LRRC4C: variants seen among roughly 807,000 people sequenced by gnomAD.
The protein encoded by LRRC4C is leucine-rich repeat-containing protein 4C.
Under a neutral mutation model 33.6 loss-of-function variants are expected in LRRC4C, and 5 were observed. That is an observed-to-expected ratio of 0.15 (90% CI 0.08 to 0.31). LRRC4C has a LOEUF of 0.31. Ranked by LOEUF, LRRC4C falls within the 10% of genes least tolerant of loss-of-function variation. The pLI is 1.00. For synonymous variants in LRRC4C, 329 were observed against 302.0 expected (o/e 1.09, Z -0.93); for missense variants, 560 against 796.7 (o/e 0.70, Z 3.58).
At chr11:41,290,747 A>G (rs1169097208) in intron 1 of LRRC4C, among the ~76,000 whole-genome samples, 1 of 152,158 alleles carries the variant, frequency 6.6e-6, no homozygotes, top group African/African-American at 2.4e-5. Flanking sequence ...ATATTAGTAT[A>G]GGTATATTCA....
intron 1 of LRRC4C, among the ~76,000 whole-genome samples, chr11:40,951,904 G>T (rs1958708493): frequency 6.6e-6 from 1 of 152,032 alleles, no homozygotes; most frequent in African/African-American, 2.4e-5. Context: ...GTTACATCCT[G>T]ATTGTATAAG....
chr11:40,346,210 A>G (rs147797894), intron 3 of LRRC4C, among the ~76,000 whole-genome samples: 3 of 152,302 alleles, frequency 2.0e-5, no homozygotes, highest in Admixed American at 1.3e-4. Flanking sequence ...TATATACCCA[A>G]ATGAATATAA....
At chr11:40,482,088 G>A (rs938649066) in intron 3 of LRRC4C, among the ~76,000 whole-genome samples, 1 of 152,134 alleles carries the variant, frequency 6.6e-6, no homozygotes, top group Non-Finnish European at 1.5e-5. Context: ...GTTCATTAGA[G>A]ACATAAATTT....
chr11:41,228,726 T>G (rs1290597602), intron 1 of LRRC4C, among the ~76,000 whole-genome samples: 1 of 152,182 alleles, frequency 6.6e-6, no homozygotes, highest in Admixed American at 6.5e-5. Flanking sequence ...TTCTCTTATT[T>G]TCTGTAGTAT....
At chr11:40,775,785 T>G (rs1338145288) in intron 2 of LRRC4C, among the ~76,000 whole-genome samples, 2 of 152,238 alleles carry the variant, frequency 1.3e-5, no homozygotes, top group Non-Finnish European at 2.9e-5. Flanking sequence ...CTTGTCTGAT[T>G]GTTCTTGCTT....
At chr11:40,192,639 G>A (rs1415088546) in intron 5 of LRRC4C, among the ~76,000 whole-genome samples, 1 of 152,118 alleles carries the variant, frequency 6.6e-6, no homozygotes, top group Non-Finnish European at 1.5e-5. Flanking sequence ...TGAAGCCAGG[G>A]AGCCAGATGG....
At chr11:40,474,496 G>C (rs1953110522) in intron 3 of LRRC4C, among the ~76,000 whole-genome samples, 1 of 152,078 alleles carries the variant, frequency 6.6e-6, no homozygotes, top group Non-Finnish European at 1.5e-5. Context: ...TAAAATCTAG[G>C]CAATACCATT....
chr11:40,283,943 T>G (rs906830702), intron 4 of LRRC4C, among the ~76,000 whole-genome samples: 1 of 152,060 alleles, frequency 6.6e-6, no homozygotes, highest in Non-Finnish European at 1.5e-5. Flanking sequence ...CCTCAGTTGA[T>G]CCACCCGTCT....
chr11:40,721,338 AT>A (rs1947004131), intron 2 of LRRC4C, among the ~76,000 whole-genome samples: 3 of 152,206 alleles, frequency 2.0e-5, no homozygotes, highest in Admixed American at 2.0e-4. Flanking sequence ...TAACACAGCC[AT>A]TGCAAACTTG....
intron 3 of LRRC4C, among the ~76,000 whole-genome samples, chr11:40,606,162 C>A (rs528819509): frequency 1.1e-4 from 17 of 152,228 alleles, no homozygotes; most frequent in African/African-American, 3.9e-4. Flanking sequence ...TTCTAACAGG[C>A]CTTGAAGCAC....
chr11:40,850,975 TC>T, intron 2 of LRRC4C, among the ~76,000 whole-genome samples: 1 of 151,096 alleles, frequency 6.6e-6, no homozygotes. Context: ...CAGACCCACC[TC>T]CCCCCACCAA....
chr11:40,759,964 A>G (rs1202590998), intron 2 of LRRC4C, among the ~76,000 whole-genome samples: 1 of 11,032 alleles, frequency 9.1e-5, no homozygotes, highest in African/African-American at 3.2e-4. Flanking sequence ...AACAACAACA[A>G]AAAAAAAAAA....
At chr11:40,898,353 C>CAA (rs765252333) in intron 2 of LRRC4C, among the ~76,000 whole-genome samples, 14 of 38,374 alleles carry the variant, frequency 3.6e-4, no homozygotes, top group African/African-American at 1.3e-3. Flanking sequence ...AACTCCATCT[C>CAA]AAAAAAAAAA....
intron 2 of LRRC4C, among the ~76,000 whole-genome samples, chr11:40,683,124 T>A (rs184832525): frequency 6.6e-6 from 1 of 152,332 alleles, no homozygotes; most frequent in East Asian, 1.9e-4. Context: ...TCCACATTTT[T>A]TTGTCTCATG....
Position 40,501,485 on chromosome 11 carries a change from A to G in LRRC4C, c.-270+146657T>C, listed in dbSNP as rs369890488. Among the ~76,000 whole-genome samples the G allele has an allele frequency of 2.2e-4, 33 of 152,278 alleles. 1 individual carries two copies. The South Asian group carries it at 6.2e-3, about 29-fold the overall frequency. The stretch of plus-strand genomic sequence containing the variant: ...TGATGCCATACATCCTCTGAAACCT[A>G]AGCAGAGGTCCCCAAACCTCAATTC... On this transcript the variant is annotated intron_variant, in intron 3 of 6. Transcript: ENST00000528697.
intron 1 of LRRC4C, among the ~76,000 whole-genome samples, chr11:41,076,766 A>G (rs571949842): frequency 2.0e-5 from 3 of 152,234 alleles, no homozygotes; most frequent in South Asian, 2.1e-4. Context: ...CAGTCCCCCA[A>G]GGTCTTAACT....
chr11:40,949,825 C>T (rs1393475721), intron 1 of LRRC4C, among the ~76,000 whole-genome samples: 1 of 151,860 alleles, frequency 6.6e-6, no homozygotes, highest in Admixed American at 6.6e-5. Flanking sequence ...GCAAAATAAC[C>T]AGCTAACATC....
At chr11:41,156,779 T>C (rs1359754673) in intron 1 of LRRC4C, among the ~76,000 whole-genome samples, 1 of 151,670 alleles carries the variant, frequency 6.6e-6, no homozygotes, top group Non-Finnish European at 1.5e-5. Flanking sequence ...GGAGGTGAGA[T>C]TTGAGTGAAG....
intron 4 of LRRC4C, among the ~76,000 whole-genome samples, chr11:40,304,281 T>C (rs1944920340): frequency 6.6e-6 from 1 of 152,164 alleles, no homozygotes; most frequent in Admixed American, 6.5e-5. Context: ...TGCCTCTAAG[T>C]GCCTGTACAG....
Sources: gnomAD v4.1 joint callset for allele counts (sites outside exome capture counted in the v4.1 genomes callset) on GRCh38, gnomAD v4.1.1 for gene constraint, MANE v1.5 for transcripts, NCBI Gene and HGNC (gene_info 2026-07-23, HGNC 2026-07-21) for gene names.